Variants in ZBTB46 observed in about 807,000 individuals in gnomAD.
The protein encoded by ZBTB46 is zinc finger and BTB domain-containing protein 46.
ZBTB46 carries 8 observed loss-of-function variants against 44.1 expected under a neutral mutation model. The ratio of observed to expected loss-of-function variants is 0.18; its 90% CI spans 0.11 to 0.33. The LOEUF (loss-of-function observed/expected upper bound fraction) is 0.33. ZBTB46 is among the 10% of genes least tolerant of loss of function. The pLI is 1.00. For synonymous variants in ZBTB46, 409 were observed against 382.3 expected, an observed-to-expected ratio of 1.07 and a Z score of -0.81; for missense variants, 651 against 847.7, an observed-to-expected ratio of 0.77 and a Z score of 2.88.
At chr20:63,762,296 C>T (rs2092283877) in intron 3 of ZBTB46, among the ~76,000 whole-genome samples, 1 of 152,186 alleles carries the variant, frequency 6.6e-6, no homozygotes, top group South Asian at 2.1e-4. Context: ...TTTTAAAACC[C>T]CCAATTGTAA....
chr20:63,747,448 T>A (rs13038736), intron 4 of ZBTB46, 147 bp from the exon 5 acceptor site: 26 of 30,822 alleles, frequency 8.4e-4, no homozygotes, highest in Non-Finnish European at 9.5e-4. Context: ...GAGCAGGGCC[T>A]GGTGGAGGTG....
At chr20:63,832,867 C>T (rs2092859104), upstream of ZBTB46, among the ~76,000 whole-genome samples, 1 of 152,140 alleles carries the variant, frequency 6.6e-6, no homozygotes, top group South Asian at 2.1e-4. The surrounding 1 kb of genome is among the most constrained non-coding windows in gnomAD (Gnocchi z 5.0). Flanking sequence ...GTGCATCCCC[C>T]TTGGAGAAAA....
chr20:63,807,898 G>C (rs1049270378), intron 1 of ZBTB46, among the ~76,000 whole-genome samples: 1 of 152,244 alleles, frequency 6.6e-6, no homozygotes, highest in African/African-American at 2.4e-5. Flanking sequence ...TCCCCACCTT[G>C]TGCGGCACAG....
chr20:63,805,353 T>G (rs2092674661), intron 1 of ZBTB46, among the ~76,000 whole-genome samples: 2 of 152,116 alleles, frequency 1.3e-5, no homozygotes, highest in African/African-American at 4.8e-5. Flanking sequence ...CGCAGCACGT[T>G]GAGAGGCTGA....
intron 3 of ZBTB46, chr20:63,769,117 C>T (rs964924615): frequency 1.2e-6 from 1 of 859,760 alleles, no homozygotes; most frequent in Non-Finnish European, 1.4e-6. Flanking sequence ...AGAGCAGGTG[C>T]CACCAAAGTG....
At chr20:63,774,620 C>A (rs1461168964) in intron 3 of ZBTB46, among the ~76,000 whole-genome samples, 1 of 152,032 alleles carries the variant, frequency 6.6e-6, no homozygotes, top group Non-Finnish European at 1.5e-5. Context: ...GTGCCAGCAC[C>A]AGGCCTTGCC....
At chr20:63,831,753 G>A (rs1363808758), upstream of ZBTB46, among the ~76,000 whole-genome samples, 3 of 151,004 alleles carry the variant, frequency 2.0e-5, no homozygotes, top group African/African-American at 4.9e-5. Context: ...GGTTCCTCGG[G>A]GGCGCGCGGG....
chr20:63,772,155 C>A (rs577840080), intron 3 of ZBTB46, among the ~76,000 whole-genome samples: 3 of 152,118 alleles, frequency 2.0e-5, no homozygotes, highest in Admixed American at 2.0e-4. Flanking sequence ...CCACCACACC[C>A]GGGTAATTTT....
At position 63,774,316 on chromosome 20, in the gene ZBTB46, T is replaced by C. The variant is rs988003618; in HGVS notation, c.1222+1362A>G. Among the ~76,000 whole-genome samples, 13 of 152,348 alleles carry C rather than the reference T, an allele frequency of 8.5e-5. No homozygotes were observed. In the South Asian group the frequency reaches 1.7e-3, roughly 19 times the overall value. ...ACACCAACGCGAAAATTCGAAAGAA[T>C]ATTTTAGTGCTTATGAAAACAAAGT... is the stretch of plus-strand genomic sequence containing the variant. On this transcript the variant is annotated intron_variant, in intron 3 of 4. Coordinates refer to ENST00000245663, the MANE Select transcript of ZBTB46 (RefSeq NM_001369741.1).
chr20:63,775,084 G>GC (rs2092413012), intron 3 of ZBTB46, among the ~76,000 whole-genome samples: 1 of 152,224 alleles, frequency 6.6e-6, no homozygotes, highest in Non-Finnish European at 1.5e-5. Context: ...CCGACACGCA[G>GC]CAGTGGCTGA....
upstream of ZBTB46, among the ~76,000 whole-genome samples, chr20:63,832,824 A>G (rs2092858876): frequency 6.6e-6 from 1 of 151,996 alleles, no homozygotes; most frequent in South Asian, 2.1e-4. This position sits in a 1 kb window ranked among gnomAD's most constrained non-coding sequence, Gnocchi z 5.0. Flanking sequence ...CACCCTGAGA[A>G]GAGGCGGCTT....
At position 63,744,396 on chromosome 20, in the gene ZBTB46, TGCCCCCTCCCC is replaced by T. The variant is rs1428844086; in HGVS notation, c.*2523_*2533del. On this transcript the variant is annotated 3_prime_UTR_variant, in exon 5 of 5. Transcript: ENST00000245663. ...CTTGACAGAAAAATCGTGGTGTCCC[TGCCCCCTCCCC>T]GCCCCCAAATAACACCATCCCCAAT... 6.6e-6 allele frequency: 1 copy of T among 152,226 alleles called. No homozygotes were observed. Among genetic ancestry groups the T allele is most frequent in the Non-Finnish European group, 1.5e-5 (1 of 68,050 alleles). The allele number at this position is 152,226 out of a possible 1,614,324, so 9.4% of individuals were successfully genotyped here.
chr20:63,802,157 TCA>T (rs1291863203), intron 1 of ZBTB46, among the ~76,000 whole-genome samples: 3 of 152,116 alleles, frequency 2.0e-5, no homozygotes, highest in Non-Finnish European at 2.9e-5. Flanking sequence ...ACACGATGGC[TCA>T]CACCTGTAAT....
intron 1 of ZBTB46, among the ~76,000 whole-genome samples, chr20:63,826,415 T>C (rs943050927): frequency 7.2e-5 from 11 of 152,106 alleles, no homozygotes; most frequent in Non-Finnish European, 1.6e-4. Context: ...GGGCCGACAA[T>C]GACAGGCCCA....
chr20:63,760,291 T>C (rs1341610171), intron 3 of ZBTB46, among the ~76,000 whole-genome samples: 1 of 152,242 alleles, frequency 6.6e-6, no homozygotes, highest in African/African-American at 2.4e-5. Context: ...TTCAATTTTC[T>C]CAGCAGATCA....
chr20:63,759,876 T>G (rs2092258564), intron 3 of ZBTB46, among the ~76,000 whole-genome samples: 1 of 152,246 alleles, frequency 6.6e-6, no homozygotes, highest in African/African-American at 2.4e-5. Flanking sequence ...CAAAAGTGTT[T>G]CCTGCATTTA....
Position 63,747,001 on chromosome 20 carries a change from C to T in ZBTB46, c.1699G>A (p.Asp567Asn). 6.2e-7 allele frequency: 1 copy of T among 1,607,766 alleles called. No homozygotes were observed. Reference protein sequence around the residue: ...PEDALLADDKDEEDSPRPRSP... With the variant: ...PEDALLADDKNEEDSPRPRSP... ...CGCGGCCGCGGCGAGTCTTCCTCAT[C>T]CTTGTCGTCCGCCAACAGCGCATCC... The change falls in exon 5 of 5, where the codon GAT (aspartate) becomes AAT (asparagine). Residue 567 changes from aspartate to asparagine, a missense_variant. Asp to Asn is a conservative substitution (Grantham distance 23, BLOSUM62 1). This residue lies in a region of ZBTB46 where 106 missense variants were observed against 81.0 expected (regional missense o/e 1.31). Transcript: ENST00000245663.
At chr20:63,807,818 C>G (rs956632061) in intron 1 of ZBTB46, among the ~76,000 whole-genome samples, 9 of 152,288 alleles carry the variant, frequency 5.9e-5, no homozygotes, top group Non-Finnish European at 1.0e-4. Flanking sequence ...GGCTCGCTCC[C>G]CCTCCGAGCG....
chr20:63,826,349 G>C (rs980653950), intron 1 of ZBTB46, among the ~76,000 whole-genome samples: 1 of 152,202 alleles, frequency 6.6e-6, no homozygotes, highest in Non-Finnish European at 1.5e-5. Context: ...GGACTGAGTC[G>C]CTAGTAAGTC....
Sources: allele counts gnomAD v4.1 joint callset (sites outside exome capture counted in the v4.1 genomes callset), GRCh38; gene constraint gnomAD v4.1.1; regional missense constraint gnomAD v4.1.1; non-coding constraint Gnocchi (gnomAD v3.1); transcripts MANE v1.5; gene names NCBI Gene and HGNC (gene_info 2026-07-23, HGNC 2026-07-21).